Variants in SEC13 observed in about 807,000 individuals in gnomAD.
The protein encoded by SEC13 is protein SEC13 homolog.
Under a neutral mutation model 49.2 loss-of-function variants are expected in SEC13, and 25 were observed. The ratio of observed to expected loss-of-function variants is 0.51; its 90% CI spans 0.37 to 0.71. The LOEUF (loss-of-function observed/expected upper bound fraction) is 0.71. Among genes scored for constraint, SEC13 ranks in the 30% least tolerant of loss-of-function variants. SEC13 has a pLI of 0.00. For missense variants in SEC13, 383 were observed against 417.6 expected, an observed-to-expected ratio of 0.92 and a Z score of 0.72; for synonymous variants, 148 against 163.9, an observed-to-expected ratio of 0.90 and a Z score of 0.74.
In SEC13 at chr3:10,301,115, A is replaced by AT; in HGVS notation, c.*145dup. 1 of 1,613,520 alleles carries AT rather than the reference A, an allele frequency of 6.2e-7. No homozygotes were observed. Among genetic ancestry groups the AT allele is most frequent in the Admixed American group, 1.7e-5 (1 of 60,004 alleles). On this transcript the variant is annotated 3_prime_UTR_variant, in exon 9 of 9. Coordinates refer to ENST00000350697, the MANE Select transcript of SEC13 (RefSeq NM_183352.3). ...AGCATCTCCGATCACGTTAAGGCAGATGATCAATCTGTGGCTGCATCTGTA... is the reference window on the plus strand; with the variant it reads ...AGCATCTCCGATCACGTTAAGGCAGATTGATCAATCTGTGGCTGCATCTGTA...
At position 10,321,091 on chromosome 3, in the gene SEC13, G is replaced by A. The variant is rs544531665; in HGVS notation, c.-39C>T. ...GCTGCTCCAGGTCTCGGACGTGGCA[G>A]CTCCCGGCGGCGCCTCGGAACAGCT... is the stretch of plus-strand genomic sequence containing the variant. On this transcript the variant is annotated 5_prime_UTR_variant, in exon 1 of 9. Coordinates refer to ENST00000350697, the MANE Select transcript of SEC13 (RefSeq NM_183352.3). This position sits in a 1 kb window ranked among gnomAD's most constrained non-coding sequence, Gnocchi z 4.1. 26 of 1,612,216 alleles carry A rather than the reference G, an allele frequency of 1.6e-5. No homozygotes were observed. The South Asian group carries it at 2.4e-4, about 15-fold the overall frequency.
In SEC13 at chr3:10,307,145, C is replaced by T. The variant is rs143246673; in HGVS notation, c.451-1453G>A. 6.5e-3 allele frequency among the ~76,000 whole-genome samples: 989 copies of T among 151,784 alleles called. 9 individuals are homozygous for T. The highest frequency in any genetic ancestry group is 0.014 in the Middle Eastern group (4 of 294). ...CATGGTTCACTGCAGCCTCAAACTT[C>T]GTAGGCTCAAGTGATCCTCCCACCT... On this transcript the variant is annotated intron_variant, in intron 5 of 8. Transcript: ENST00000350697.
At chr3:10,309,758 A>G (rs1447363407) in intron 5 of SEC13, among the ~76,000 whole-genome samples, 1 of 152,212 alleles carries the variant, frequency 6.6e-6, no homozygotes, top group Non-Finnish European at 1.5e-5. Context: ...TAACAACTGT[A>G]TGCAATTTCA....
chr3:10,319,404 G>C, intron 1 of SEC13: 1 of 893,800 alleles, frequency 1.1e-6, no homozygotes, highest in East Asian at 3.0e-5. Flanking sequence ...GGGGAGGGCA[G>C]GGTACCAAGG....
chr3:10,309,626 G>A (rs1701123706), intron 5 of SEC13, among the ~76,000 whole-genome samples: 1 of 152,168 alleles, frequency 6.6e-6, no homozygotes. Context: ...TGTATTGTTA[G>A]AATGTCACCT....
intron 6 of SEC13, 46 bp downstream of exon 6, chr3:10,305,513 G>T: frequency 6.2e-7 from 1 of 1,606,424 alleles, no homozygotes; most frequent in Non-Finnish European, 8.5e-7. Context: ...GTAGGGTAAA[G>T]GGTAGAAGTG....
At chr3:10,320,673 T>C in intron 1 of SEC13, 2 of 1,076,530 alleles carry the variant, frequency 1.9e-6, no homozygotes, top group Admixed American at 5.3e-5. Context: ...ATCTGTAAAG[T>C]GTTGAGAAGA....
At chr3:10,306,045 AG>A in intron 5 of SEC13, 2 of 184,014 alleles carry the variant, frequency 1.1e-5, no homozygotes, top group Non-Finnish European at 2.3e-5. Flanking sequence ...CTGCCTGAAA[AG>A]CCCTGTCATT....
Position 10,315,368 on chromosome 3 carries a change from G to A in SEC13, c.117C>T (p.Ile39=). The change falls in exon 3 of 9, where the codon ATC becomes ATT. Residue 39 remains isoleucine (I), a synonymous_variant. Coordinates refer to ENST00000350697, the MANE Select transcript of SEC13 (RefSeq NM_183352.3). ...TCTGCCCTCCATTGCGCACATCAAA[G>A]ATTTTGACGGACCTGTCTGATGAGC... ...ATCSSDRSVK[I]FDVRNGGQIL... 1 of 1,612,434 alleles carries A rather than the reference G, an allele frequency of 6.2e-7. No homozygotes were observed. Among genetic ancestry groups the A allele is most frequent in the Non-Finnish European group, 8.5e-7 (1 of 1,179,718 alleles).
intron 2 of SEC13, 27 bp from the exon 3 acceptor site, chr3:10,315,463 C>A (rs369874754): frequency 2.3e-4 from 64 of 279,076 alleles, no homozygotes; most frequent in African/African-American, 2.3e-3. Context: ...GCTCGGGAAG[C>A]CTGCAGGCTG....
chr3:10,308,008 A>G (rs905015138), intron 5 of SEC13, among the ~76,000 whole-genome samples: 2 of 152,248 alleles, frequency 1.3e-5, no homozygotes, highest in African/African-American at 4.8e-5. Flanking sequence ...TAGAAACAAT[A>G]GTCCCTGAAT....
At chr3:10,308,821 G>A (rs554899759) in intron 5 of SEC13, among the ~76,000 whole-genome samples, 11 of 146,894 alleles carry the variant, frequency 7.5e-5, no homozygotes, top group African/African-American at 1.0e-4. Flanking sequence ...TTTTAGAGAC[G>A]GGGTCTCACT....
intron 5 of SEC13, among the ~76,000 whole-genome samples, chr3:10,308,791 ATTT>A (rs34572074): frequency 0.01 from 1,186 of 115,574 alleles, 10 homozygotes; most frequent in African/African-American, 0.032. Flanking sequence ...GCTGAGTTGA[ATTT>A]TTTTTTTTTT....
At chr3:10,318,717 T>C (rs2059708342) in intron 1 of SEC13, among the ~76,000 whole-genome samples, 1 of 152,164 alleles carries the variant, frequency 6.6e-6, no homozygotes, top group Non-Finnish European at 1.5e-5. Flanking sequence ...GGATCCAGAG[T>C]TGAACAGTTT....
At chr3:10,317,001 CAA>C (rs35597823) in intron 2 of SEC13, among the ~76,000 whole-genome samples, 2,093 of 74,840 alleles carry the variant, frequency 0.028, 30 homozygotes, top group African/African-American at 0.077. Context: ...AACTCCATCT[CAA>C]AAAAAAAAAA....
At chr3:10,319,660 A>G (rs1356159022) in intron 1 of SEC13, among the ~76,000 whole-genome samples, 7 of 151,680 alleles carry the variant, frequency 4.6e-5, no homozygotes, top group Non-Finnish European at 1.0e-4. Flanking sequence ...GTTTACTGAG[A>G]GGTAGTTTCA....
chr3:10,307,584 C>A (rs575862530), intron 5 of SEC13, among the ~76,000 whole-genome samples: 1 of 152,278 alleles, frequency 6.6e-6, no homozygotes, highest in East Asian at 1.9e-4. Flanking sequence ...GAGAGAGAGC[C>A]TGTGCAGGTG....
chr3:10,301,051 T>G lies in SEC13; in HGVS notation c.*210A>C, dbSNP rs867721239. 234 of 1,602,212 alleles carry G rather than the reference T, an allele frequency of 1.5e-4. No homozygotes were observed. The Middle Eastern group carries it at 6.0e-3, about 41-fold the overall frequency. ...TTGAACATCACTTGTAGTTTCTTCCTCGTAACATGAGTGCTTTCAGCTGGA... is the reference window on the plus strand; with the variant it reads ...TTGAACATCACTTGTAGTTTCTTCCGCGTAACATGAGTGCTTTCAGCTGGA... On this transcript the variant is annotated 3_prime_UTR_variant, in exon 9 of 9. Transcript: ENST00000350697.
At chr3:10,320,525 G>A in intron 1 of SEC13, 1 of 985,724 alleles carries the variant, frequency 1.0e-6, no homozygotes, top group East Asian at 1.1e-4. Context: ...GCCCTACCCC[G>A]AGCAACAGTT....
Sources: allele counts gnomAD v4.1 joint callset (sites outside exome capture counted in the v4.1 genomes callset), GRCh38; gene constraint gnomAD v4.1.1; non-coding constraint Gnocchi (gnomAD v3.1); transcripts MANE v1.5; gene names NCBI Gene and HGNC (gene_info 2026-07-23, HGNC 2026-07-21).